The following TACR2 variants were observed in gnomAD, a reference collection of about 807,000 sequenced individuals.
TACR2 encodes tachykinin receptor 2, also known as substance-K receptor.
In TACR2, 24 loss-of-function variants were observed where a neutral mutation model predicts 28.9. That is an observed-to-expected ratio of 0.83 (90% CI 0.60 to 1.17). The LOEUF is 1.17. TACR2 is among the 50% of genes most tolerant of loss of function. TACR2 has a pLI of 0.00. For synonymous variants in TACR2, 222 were observed against 212.6 expected (o/e 1.04, Z -0.38); for missense variants, 487 against 524.4 (o/e 0.93, Z 0.70).
Position 69,404,036 on chromosome 10 carries a change from A to G in TACR2, c.*790T>C, listed in dbSNP as rs1840480230. On this transcript the variant is annotated 3_prime_UTR_variant, in exon 5 of 5. Coordinates refer to ENST00000373306, the MANE Select transcript of TACR2 (RefSeq NM_001057.3). ...TCCCCTTTGAATGCCTGTCCTCTCC[A>G]GGTTGCCATGGCCCCCACCATTCCC... 3 of 152,218 alleles carry G rather than the reference A, an allele frequency of 2.0e-5. No individual in the cohort carries two copies. Among genetic ancestry groups the G allele is most frequent in the African/African-American group, 7.2e-5 (3 of 41,448 alleles). The allele number at this position is 152,218 out of a possible 1,614,324, so 9.4% of individuals were successfully genotyped here.
intron 3 of TACR2, among the ~76,000 whole-genome samples, chr10:69,407,614 G>GCT (rs749356918): frequency 6.6e-6 from 1 of 152,178 alleles, no homozygotes; most frequent in African/African-American, 2.4e-5. Context: ...GAGTGGCTGA[G>GCT]CTCTCTCTCC....
chr10:69,416,894 C>G lies in TACR2; in HGVS notation c.-571G>C, dbSNP rs986538056. ...CAGGGCTCTGCCAGCTGCCAGCCCTCGCTGCAGCTTCCCTGCCGTTCTCTG... is the reference window on the plus strand; with the variant it reads ...CAGGGCTCTGCCAGCTGCCAGCCCTGGCTGCAGCTTCCCTGCCGTTCTCTG... On this transcript the variant is annotated 5_prime_UTR_variant, in exon 1 of 5. Transcript: ENST00000373306. 6.6e-6 allele frequency: 1 copy of G among 152,424 alleles called. No homozygotes were observed. The highest frequency in any genetic ancestry group is 1.5e-5 in the Non-Finnish European group (1 of 68,188). The allele number at this position is 152,424 out of a possible 1,614,324, so 9.4% of individuals were successfully genotyped here.
chr10:69,406,977 G>T, intron 4 of TACR2, 107 bp downstream of exon 4: 2 of 1,203,862 alleles, frequency 1.7e-6, no homozygotes, highest in Non-Finnish European at 2.4e-6. Context: ...CAGGGCCACA[G>T]GTTCCGGCAG....
In TACR2 at chr10:69,407,167, G is replaced by A; in HGVS notation, c.855C>T (p.Ile285=). 6.2e-7 allele frequency: 1 copy of A among 1,613,902 alleles called. No homozygotes were observed. Among genetic ancestry groups the A allele is most frequent in the East Asian group, 2.2e-5 (1 of 44,890 alleles). Reference sequence around the variant, plus strand: ...AGAAGAGTGCCAGGTAGACTTGCTGGATGAACTTGTGGCAGTAGATGTCCT... The same window carrying A: ...AGAAGAGTGCCAGGTAGACTTGCTGAATGAACTTGTGGCAGTAGATGTCCT... The part of the protein sequence containing the change: ...FQEDIYCHKF[I]QQVYLALFWL... Residue 285 remains isoleucine, a synonymous_variant, in exon 4 of 5, where the codon ATC becomes ATT. Transcript: ENST00000373306.
chr10:69,412,610 C>A (rs1030826444), intron 2 of TACR2, among the ~76,000 whole-genome samples: 1 of 152,190 alleles, frequency 6.6e-6, no homozygotes, highest in Non-Finnish European at 1.5e-5. Flanking sequence ...CAGTACAGGG[C>A]TCTTGTCCAG....
intron 2 of TACR2, 162 bp from the exon 3 acceptor site, chr10:69,409,237 G>T: frequency 1.5e-6 from 1 of 683,976 alleles, no homozygotes; most frequent in Non-Finnish European, 2.2e-6. Context: ...AAATAAAGGT[G>T]GCATTGGGTA....
chr10:69,404,904 C>T lies in TACR2; in HGVS notation c.1119G>A (p.Ala373=), dbSNP rs145940605. The change falls in exon 5 of 5, where the codon GCG becomes GCA. Residue 373 remains alanine, a synonymous_variant. Coordinates refer to ENST00000373306, the MANE Select transcript of TACR2 (RefSeq NM_001057.3). ...GCCCTGATCCATCCTGGGGACGCCC[C>T]GCCTCCCCACTGGTAGCCTCGGAGG... ...TAPSEATSGE[A]GRPQDGSGLW... 1.4e-4 allele frequency: 220 copies of T among 1,613,698 alleles called. No homozygotes were observed. Among genetic ancestry groups the T allele is most frequent in the Non-Finnish European group, 1.7e-4 (206 of 1,179,800 alleles).
rs764896178 is a variant in TACR2 at position 69,404,985 on chromosome 10, C to T, written c.1038G>A (p.Thr346=). 7.4e-6 allele frequency: 12 copies of T among 1,614,044 alleles called. No homozygotes were observed. Among genetic ancestry groups the T allele is most frequent in the African/African-American group, 1.3e-5 (1 of 74,900 alleles). ...CCTTAGTGTGACACCTGTTGACTCT[C>T]GTGGAGAGGGAGGTCGTGGGAGTCA... The part of the protein sequence containing the change: ...LELTPTTSLS[T]RVNRCHTKET... The change falls in exon 5 of 5, where the codon ACG becomes ACA. Residue 346 remains threonine (T), a synonymous_variant. Transcript: ENST00000373306.
At chr10:69,405,381 C>T (rs1346816709) in intron 4 of TACR2, among the ~76,000 whole-genome samples, 11 of 146,968 alleles carry the variant, frequency 7.5e-5, no homozygotes, top group Admixed American at 4.0e-4. Flanking sequence ...AAAAACCAAC[C>T]AACCAACAAA....
chr10:69,411,188 C>T (rs1840566697), intron 2 of TACR2, among the ~76,000 whole-genome samples: 1 of 152,210 alleles, frequency 6.6e-6, no homozygotes, highest in Admixed American at 6.5e-5. Context: ...ACATGCTAGG[C>T]TTGCTGCGCC....
chr10:69,407,263 C>A lies in TACR2; in HGVS notation c.759G>T (p.Val253=). The A allele has an allele frequency of 1.2e-6, 2 of 1,612,456 alleles. No individual in the cohort carries two copies. The highest frequency in any genetic ancestry group is 2.2e-5 in the East Asian group (1 of 44,840). ...QAMKKFVKTM[V]LVVLTFAICW... is the part of the protein sequence containing the mutation. ...AGATGGCAAACGTCAGCACCACCAG[C>A]ACCATGGTCTTCACAAACTGGTCCA... The change falls in exon 4 of 5, where the codon GTG becomes GTT. Residue 253 remains valine, a synonymous_variant. Coordinates refer to ENST00000373306, the MANE Select transcript of TACR2 (RefSeq NM_001057.3).
At chr10:69,405,133 C>T (rs750677318) in intron 4 of TACR2, 49 bp from the exon 5 acceptor site, 9 of 1,516,474 alleles carry the variant, frequency 5.9e-6, no homozygotes, top group Non-Finnish European at 8.1e-6. Flanking sequence ...GGCTCAGGAG[C>T]TGTGATGTGA....
chr10:69,411,995 C>T (rs12242636), intron 2 of TACR2, among the ~76,000 whole-genome samples: 2,506 of 152,234 alleles, frequency 0.016, 75 homozygotes, highest in African/African-American at 0.057. Flanking sequence ...CCACGCCCTA[C>T]TAATTTTTGT....
chr10:69,409,141 T>C, intron 2 of TACR2, 66 bp from the exon 3 acceptor site: 7 of 1,416,670 alleles, frequency 4.9e-6, no homozygotes, highest in Non-Finnish European at 6.5e-6. Flanking sequence ...TGCCAGCGCC[T>C]GGTCCTGGGA....
chr10:69,412,111 C>T (rs995543773), intron 2 of TACR2, among the ~76,000 whole-genome samples: 8 of 152,204 alleles, frequency 5.3e-5, no homozygotes, highest in Admixed American at 3.3e-4. Context: ...TGAGCCACCG[C>T]GCCTGGCCTG....
At chr10:69,406,702 T>A (rs1840505063) in intron 4 of TACR2, among the ~76,000 whole-genome samples, 1 of 152,156 alleles carries the variant, frequency 6.6e-6, no homozygotes, top group Non-Finnish European at 1.5e-5. Context: ...TCCCGCTACT[T>A]AGCTTTTCTT....
intron 3 of TACR2, among the ~76,000 whole-genome samples, chr10:69,408,313 C>T (rs1840523177): frequency 6.6e-6 from 1 of 152,202 alleles, no homozygotes; most frequent in African/African-American, 2.4e-5. Flanking sequence ...TTCTATAGTT[C>T]TGTGGGGCTT....
At chr10:69,405,656 G>A (rs898229441) in intron 4 of TACR2, among the ~76,000 whole-genome samples, 2 of 152,212 alleles carry the variant, frequency 1.3e-5, no homozygotes, top group Non-Finnish European at 2.9e-5. Flanking sequence ...GAAATCAGAC[G>A]GCAGAAAGGG....
Position 69,407,156 on chromosome 10 carries a change from T to C in TACR2, c.866A>G (p.Tyr289Cys). The change falls in exon 4 of 5, where the codon TAC (tyrosine) becomes TGC (cysteine). Residue 289 changes from tyrosine to cysteine, a missense_variant. Physicochemically the swap from Tyr to Cys is radical, Grantham distance 194. Coordinates refer to ENST00000373306, the MANE Select transcript of TACR2 (RefSeq NM_001057.3). ...IYCHKFIQQV[Y>C]LALFWLAMSS... The stretch of plus-strand genomic sequence containing the variant: ...CATGGCCAACCAGAAGAGTGCCAGG[T>C]AGACTTGCTGGATGAACTTGTGGCA... The C allele has an allele frequency of 1.9e-6, 3 of 1,613,974 alleles. No individual in the cohort carries two copies. The highest frequency in any genetic ancestry group is 1.7e-4 in the Middle Eastern group (1 of 6,060).
Sources: allele counts gnomAD v4.1 joint callset (sites outside exome capture counted in the v4.1 genomes callset), GRCh38; gene constraint gnomAD v4.1.1; transcripts MANE v1.5; gene names NCBI Gene and HGNC (gene_info 2026-07-23, HGNC 2026-07-21).